The following ZBTB43 variants were observed in gnomAD, a reference collection of about 807,000 sequenced individuals.
ZBTB43 encodes the protein zinc finger and BTB domain containing 43.
A neutral mutation model predicts 31.1 loss-of-function variants in ZBTB43; 6 were observed. The observed-to-expected ratio is 0.19, with a 90% CI of 0.11 to 0.38. The LOEUF (loss-of-function observed/expected upper bound fraction) is 0.38. ZBTB43 is among the 10% of genes least tolerant of loss of function. ZBTB43 has a pLI of 1.00. For missense variants in ZBTB43, 379 were observed against 602.1 expected (o/e 0.63, Z 3.88); for synonymous variants, 212 against 221.7 (o/e 0.96, Z 0.39).
At chr9:126,824,153 A>C (rs2032576900) in intron 2 of ZBTB43, among the ~76,000 whole-genome samples, 1 of 152,076 alleles carries the variant, frequency 6.6e-6, no homozygotes, top group South Asian at 2.1e-4. Flanking sequence ...CAGCCTCCCA[A>C]GTAACTGGGA....
chr9:126,827,070 C>T (rs1360781312), intron 2 of ZBTB43, among the ~76,000 whole-genome samples: 1 of 152,104 alleles, frequency 6.6e-6, no homozygotes, highest in African/African-American at 2.4e-5. Context: ...GCTTTTGTGA[C>T]TTGTGAGGTT....
intron 2 of ZBTB43, among the ~76,000 whole-genome samples, chr9:126,825,430 T>C (rs2032609473): frequency 6.6e-6 from 1 of 152,192 alleles, no homozygotes. Flanking sequence ...GCTGGGTGGC[T>C]TAAACAATGG....
At chr9:126,814,096 C>T (rs1349244784) in intron 2 of ZBTB43, among the ~76,000 whole-genome samples, 1 of 151,998 alleles carries the variant, frequency 6.6e-6, no homozygotes, top group African/African-American at 2.4e-5. Context: ...TGTCCTTTGC[C>T]TACTTGATTT....
In ZBTB43 at chr9:126,834,028, AAGG is replaced by A. The variant is rs1297857244; in HGVS notation, c.*117_*119del. ...ATTATGAGAGAAGCTTAAAAAAAAA[AAGG>A]AAGATATTTCTGAAAGACCAGCTCT... On this transcript the variant is annotated 3_prime_UTR_variant, in exon 3 of 3. Transcript: ENST00000373464. The A allele has an allele frequency of 8.4e-7, 1 of 1,197,308 alleles. No individual in the cohort carries two copies. The allele number at this position is 1,197,308 out of a possible 1,614,324, so 74.2% of individuals were successfully genotyped here.
At position 126,836,632 on chromosome 9, in the gene ZBTB43, A is replaced by C. The variant is rs2032884910; in HGVS notation, c.*2719A>C. ...TCTTCACCTCAATATAGCTTTAGAA[A>C]ATCTTTATCCTTCCTAATAAGTTTG... is the stretch of plus-strand genomic sequence containing the variant. On this transcript the variant is annotated 3_prime_UTR_variant, in exon 3 of 3. Transcript: ENST00000373464. The C allele has an allele frequency of 6.0e-6, 1 of 167,034 alleles. No individual in the cohort carries two copies. Among genetic ancestry groups the C allele is most frequent in the Non-Finnish European group, 1.5e-5 (1 of 68,104 alleles). The allele number at this position is 167,034 out of a possible 1,614,324, so 10.3% of individuals were successfully genotyped here.
intron 2 of ZBTB43, among the ~76,000 whole-genome samples, chr9:126,813,404 C>T (rs1173185468): frequency 6.6e-6 from 1 of 152,176 alleles, no homozygotes; most frequent in Admixed American, 6.5e-5. Context: ...CCTCACAGCA[C>T]GTCACTTAGA....
Position 126,833,310 on chromosome 9 carries a change from C to G in ZBTB43, c.801C>G (p.His267Gln). The change falls in exon 3 of 3, where the codon CAC (histidine) becomes CAG (glutamine). Residue 267 changes from histidine (H) to glutamine (Q), a missense_variant. By Grantham distance (24) the His-to-Gln change is conservative. Coordinates refer to ENST00000373464, the MANE Select transcript of ZBTB43 (RefSeq NM_014007.4). The surrounding 1 kb of genome is among the most constrained non-coding windows in gnomAD (Gnocchi z 7.9). ...GMDVHATYDEHQVTESINTVQ... is the reference protein window; with the variant it reads ...GMDVHATYDEQQVTESINTVQ... ...ATGTGCACGCGACCTACGACGAGCA[C>G]CAGGTCACAGAGTCCATCAACACCG... 1.9e-6 allele frequency: 3 copies of G among 1,613,040 alleles called. No homozygotes were observed. The highest frequency in any genetic ancestry group is 2.5e-6 in the Non-Finnish European group (3 of 1,179,536).
At position 126,837,904 on chromosome 9, in the gene ZBTB43, T is replaced by G; in HGVS notation, c.*3991T>G. The G allele has an allele frequency of 6.0e-6, 1 of 167,100 alleles. No individual in the cohort carries two copies. 10.4% of individuals were successfully genotyped at this position (167,100 alleles called of 1,614,324 possible). A position where few individuals can be genotyped will look rare whatever the true frequency, so the allele number is the denominator to read the frequency against. On this transcript the variant is annotated 3_prime_UTR_variant, in exon 3 of 3. Transcript: ENST00000373464. ...TGTTAGTTGCTGCTGCCTTCTTTCC[T>G]TTTGTGAGGTTCCCAATGTTTCGTC...
chr9:126,818,743 A>C (rs1449549701), intron 2 of ZBTB43, among the ~76,000 whole-genome samples: 1 of 152,136 alleles, frequency 6.6e-6, no homozygotes, highest in Non-Finnish European at 1.5e-5. Context: ...TAATTCTTTT[A>C]ATATGCCGCT....
At chr9:126,812,673 G>A (rs1366531787) in intron 2 of ZBTB43, among the ~76,000 whole-genome samples, 2 of 152,206 alleles carry the variant, frequency 1.3e-5, no homozygotes, top group Non-Finnish European at 2.9e-5. Flanking sequence ...ATGATGTTGA[G>A]TGGTTTTCAT....
intron 2 of ZBTB43, among the ~76,000 whole-genome samples, chr9:126,820,703 C>T (rs976700631): frequency 4.6e-5 from 7 of 152,106 alleles, no homozygotes; most frequent in Non-Finnish European, 7.4e-5. Flanking sequence ...TGCAGCAGCT[C>T]ACACCTGTAA....
At chr9:126,811,002 C>CAT (rs2032236059) in intron 2 of ZBTB43, among the ~76,000 whole-genome samples, 1 of 151,730 alleles carries the variant, frequency 6.6e-6, no homozygotes, top group African/African-American at 2.4e-5. Context: ...GGGCAGATCA[C>CAT]ATGAGGGTCA....
rs1272259007 is a variant in ZBTB43 at position 126,833,383 on chromosome 9, C to T, written c.874C>T (p.His292Tyr). 6.2e-7 allele frequency: 1 copy of T among 1,613,758 alleles called. No individual in the cohort carries two copies. Among genetic ancestry groups the T allele is most frequent in the Admixed American group, 1.7e-5 (1 of 59,926 alleles). The part of the protein sequence containing the change: ...VQPSGVEEDF[H>Y]IGEKKVEAEF... ...GCCTTCGGGAGTGGAGGAGGACTTC[C>T]ACATCGGGGAGAAGAAAGTGGAAGC... Residue 292 changes from histidine to tyrosine, a missense_variant, in exon 3 of 3, where the codon CAC becomes TAC. Around this residue, in one of 5 missense-constraint regions of ZBTB43, gnomAD observed 253 missense variants for 322.3 expected, o/e 0.79. Coordinates refer to ENST00000373464, the MANE Select transcript of ZBTB43 (RefSeq NM_014007.4). The surrounding 1 kb of genome is among the most constrained non-coding windows in gnomAD (Gnocchi z 7.9).
intron 2 of ZBTB43, among the ~76,000 whole-genome samples, chr9:126,810,672 T>A (rs2032227490): frequency 1.3e-5 from 2 of 151,338 alleles, no homozygotes; most frequent in South Asian, 4.2e-4. Context: ...AGCTAATTTT[T>A]TTTTGTACTT....
chr9:126,809,297 C>T (rs551874350), intron 2 of ZBTB43, among the ~76,000 whole-genome samples: 1 of 152,286 alleles, frequency 6.6e-6, no homozygotes, highest in Admixed American at 6.5e-5. Context: ...GAGTGTTGCA[C>T]AACGCAGGTT....
intron 2 of ZBTB43, among the ~76,000 whole-genome samples, chr9:126,825,399 T>C (rs2032608814): frequency 6.6e-6 from 1 of 152,188 alleles, no homozygotes; most frequent in South Asian, 2.1e-4. Flanking sequence ...TTGGCAGAGC[T>C]ACCGTAACAA....
At chr9:126,819,958 T>A (rs1270239539) in intron 2 of ZBTB43, among the ~76,000 whole-genome samples, 1 of 152,124 alleles carries the variant, frequency 6.6e-6, no homozygotes, top group East Asian at 1.9e-4. Context: ...GCCAAAGCCG[T>A]CAGAAGAAGA....
In ZBTB43 at chr9:126,835,168, A is replaced by G. The variant is rs1206930333; in HGVS notation, c.*1255A>G. The G allele has an allele frequency of 1.8e-5, 3 of 167,044 alleles. No homozygotes were observed. The highest frequency in any genetic ancestry group is 3.8e-4 in the East Asian group (2 of 5,202). The allele number at this position is 167,044 out of a possible 1,614,324, so 10.3% of individuals were successfully genotyped here. A position where few individuals can be genotyped will look rare whatever the true frequency, so the allele number is the denominator to read the frequency against. ...GTAGTCTACAGAACCATGCTCCCAC[A>G]TTATAGATAAAGCTGCTTAAACTTA... On this transcript the variant is annotated 3_prime_UTR_variant, in exon 3 of 3. Transcript: ENST00000373464.
Position 126,832,955 on chromosome 9 carries a change from A to G in ZBTB43, c.446A>G (p.Asn149Ser). Residue 149 changes from asparagine (N) to serine (S), a missense_variant, in exon 3 of 3, where the codon AAT becomes AGT. By Grantham distance (46) the Asn-to-Ser change is conservative (BLOSUM62 1). This residue lies in a region of ZBTB43 where 253 missense variants were observed against 322.3 expected (regional missense o/e 0.79). Coordinates refer to ENST00000373464, the MANE Select transcript of ZBTB43 (RefSeq NM_014007.4). ...DHQSPSSSSY[N>S]GLVESFELGS... ...CAGTCACCAAGCAGCAGTAGTTATAATGGCCTGGTAGAGAGCTTTGAGCTG... is the reference window on the plus strand; with the variant it reads ...CAGTCACCAAGCAGCAGTAGTTATAGTGGCCTGGTAGAGAGCTTTGAGCTG... The G allele has an allele frequency of 6.2e-7, 1 of 1,613,786 alleles. No individual in the cohort carries two copies. Among genetic ancestry groups the G allele is most frequent in the Non-Finnish European group, 8.5e-7 (1 of 1,180,018 alleles).
Sources: allele counts gnomAD v4.1 joint callset (sites outside exome capture counted in the v4.1 genomes callset), GRCh38; gene constraint gnomAD v4.1.1; regional missense constraint gnomAD v4.1.1; non-coding constraint Gnocchi (gnomAD v3.1); transcripts MANE v1.5; gene names NCBI Gene and HGNC (gene_info 2026-07-23, HGNC 2026-07-21).